Variants in TRPM8 observed in about 807,000 individuals in gnomAD.
The protein encoded by TRPM8 is transient receptor potential cation channel subfamily M member 8, also known as TRPM8 cationic channel.
TRPM8 carries 110 observed loss-of-function variants against 133.7 expected under a neutral mutation model. That is an observed-to-expected ratio of 0.82 (90% confidence interval 0.70 to 0.96). TRPM8 has a LOEUF of 0.96. Ranked by LOEUF, TRPM8 falls within the 40% of genes least tolerant of loss-of-function variation. TRPM8 has a pLI of 0.00. For missense variants in TRPM8, 1,291 were observed against 1,379.5 expected (o/e 0.94, Z 1.02); for synonymous variants, 535 against 532.3 (o/e 1.01, Z -0.07).
chr2:234,003,349 A>G (rs1692616172), intron 22 of TRPM8, among the ~76,000 whole-genome samples: 1 of 152,228 alleles, frequency 6.6e-6, no homozygotes. Context: ...CTTAATGAAG[A>G]AAGTGTTTTG....
In TRPM8 at chr2:233,985,723, G is replaced by T. The variant is rs1374174541; in HGVS notation, c.2797G>T (p.Gly933Trp). The change falls in exon 21 of 26, where the codon GGG becomes TGG. Residue 933 changes from glycine (G) to tryptophan (W), a missense_variant. Gly to Trp is a radical substitution (Grantham distance 184, BLOSUM62 -2). Transcript: ENST00000324695. ...TGACTTTGCCCACTGCACCTTCACT[G>T]GGAATGAGTCCAAGCCACTGTGTGT... Reference protein sequence around the residue: ...TYDFAHCTFTGNESKPLCVEL... With the variant: ...TYDFAHCTFTWNESKPLCVEL... 2 of 1,614,174 alleles carry T rather than the reference G, an allele frequency of 1.2e-6. No individual in the cohort carries two copies. The highest frequency in any genetic ancestry group is 3.3e-5 in the Admixed American group (2 of 60,028).
chr2:234,011,760 CAG>C (rs1177145313), intron 24 of TRPM8, among the ~76,000 whole-genome samples: 2 of 151,752 alleles, frequency 1.3e-5, no homozygotes, highest in Non-Finnish European at 2.9e-5. Flanking sequence ...CTACTAAAAA[CAG>C]AAAAATTAGC....
Position 233,996,387 on chromosome 2 carries a change from C to T in TRPM8, c.3001C>T (p.Leu1001=). The change falls in exon 22 of 26, where the codon CTG becomes TTG. Residue 1001 remains leucine, a synonymous_variant. Coordinates refer to ENST00000324695, the MANE Select transcript of TRPM8 (RefSeq NM_024080.5). Reference sequence around the variant, plus strand: ...GGTCTGGAAGTTCCAGAGGTACTTCCTGGTGCAGGAGTACTGCAGCCGCCT... The same window carrying T: ...GGTCTGGAAGTTCCAGAGGTACTTCTTGGTGCAGGAGTACTGCAGCCGCCT... ...DQVWKFQRYF[L]VQEYCSRLNI... is the part of the protein sequence containing the mutation. 1 of 1,614,216 alleles carries T rather than the reference C, an allele frequency of 6.2e-7. No individual in the cohort carries two copies. Among genetic ancestry groups the T allele is most frequent in the Non-Finnish European group, 8.5e-7 (1 of 1,180,040 alleles).
intron 9 of TRPM8, among the ~76,000 whole-genome samples, chr2:233,951,305 A>T (rs1441589331): frequency 1.3e-5 from 2 of 152,210 alleles, no homozygotes; most frequent in Non-Finnish European, 2.9e-5. Context: ...TCAAAGTAAG[A>T]CACTGCATAT....
chr2:233,930,877 C>T, intron 3 of TRPM8, 136 bp downstream of exon 3: 1 of 609,346 alleles, frequency 1.6e-6, no homozygotes, highest in Admixed American at 2.8e-5. Flanking sequence ...ACTGTTTGCG[C>T]AGGAAGGATC....
intron 22 of TRPM8, among the ~76,000 whole-genome samples, chr2:234,005,236 T>C (rs1692663548): frequency 6.6e-6 from 1 of 152,120 alleles, no homozygotes; most frequent in Non-Finnish European, 1.5e-5. Context: ...CCCCCTCGTA[T>C]GGGAGACCTA....
intron 17 of TRPM8, among the ~76,000 whole-genome samples, chr2:233,977,633 A>T (rs1691902948): frequency 6.6e-6 from 1 of 152,156 alleles, no homozygotes; most frequent in Non-Finnish European, 1.5e-5. Context: ...GGCTGCTAGC[A>T]CCAGCAAAGC....
At chr2:233,950,454 C>T (rs1300751213) in intron 9 of TRPM8, among the ~76,000 whole-genome samples, 1 of 152,162 alleles carries the variant, frequency 6.6e-6, no homozygotes, top group African/African-American at 2.4e-5. Flanking sequence ...GAGAGAGAGA[C>T]ACAAGAATCT....
At position 233,964,749 on chromosome 2, in the gene TRPM8, G is replaced by A. The variant is rs201008719; in HGVS notation, c.1871G>A (p.Arg624Gln). The change falls in exon 14 of 26, where the codon CGG becomes CAG. Residue 624 changes from arginine (R) to glutamine (Q), a missense_variant. By Grantham distance (43) the Arg-to-Gln change is conservative (BLOSUM62 1). Transcript: ENST00000324695. ...SEELANEYET[R>Q]AVELFTECYS... ...GAGCTGGCTAATGAGTACGAGACCCGGGCTGTTGGTGAGTCCACAGTGTGG... is the reference window on the plus strand; with the variant it reads ...GAGCTGGCTAATGAGTACGAGACCCAGGCTGTTGGTGAGTCCACAGTGTGG... The A allele has an allele frequency of 2.9e-5, 46 of 1,610,872 alleles. 2 individuals are homozygous for A. The South Asian group carries it at 3.2e-4, about 11-fold the overall frequency.
chr2:233,925,217 T>C (rs530188408), intron 1 of TRPM8, among the ~76,000 whole-genome samples: 1 of 152,380 alleles, frequency 6.6e-6, no homozygotes, highest in East Asian at 1.9e-4. Context: ...TCAATCAAAC[T>C]ATTCATCCAA....
rs551411372 is a variant in TRPM8 at position 233,964,476 on chromosome 2, C to T, written c.1750-152C>T. The T allele has an allele frequency of 2.3e-4, 121 of 526,114 alleles. 1 individual carries two copies. Among genetic ancestry groups the T allele is most frequent in the South Asian group, 2.1e-3 (43 of 20,552 alleles). The allele number at this position is 526,114 out of a possible 1,614,324, so 32.6% of individuals were successfully genotyped here. On this transcript the variant is annotated intron_variant, in intron 13 of 25. Transcript: ENST00000324695. ...CTGAGGCAGTAGAATCACTTGAACC[C>T]GGGAGGTGGAGGTTGCAGTGAGCCA...
At chr2:233,947,054 G>A in intron 7 of TRPM8, 34 bp from the exon 8 acceptor site, 3 of 1,603,574 alleles carry the variant, frequency 1.9e-6, no homozygotes, top group Non-Finnish European at 2.6e-6. Flanking sequence ...TTTCTAATGA[G>A]CTCAAAATAT....
At chr2:233,979,227 T>C (rs17864766) in intron 17 of TRPM8, among the ~76,000 whole-genome samples, 2 of 152,372 alleles carry the variant, frequency 1.3e-5, no homozygotes, top group East Asian at 1.9e-4. Context: ...TTGGTTTCCA[T>C]ATGTGAATTC....
chr2:233,932,383 G>A (rs1691697888), intron 3 of TRPM8, among the ~76,000 whole-genome samples: 1 of 152,220 alleles, frequency 6.6e-6, no homozygotes, highest in Non-Finnish European at 1.5e-5. Context: ...CTGGGCTGAT[G>A]TTTATGGCTC....
At chr2:233,985,641 C>A (rs770039085) in intron 20 of TRPM8, 47 bp from the exon 21 acceptor site, 5 of 1,579,426 alleles carry the variant, frequency 3.2e-6, no homozygotes, top group Non-Finnish European at 8.7e-7. Context: ...ATCGCTCTCA[C>A]CCCTCCAGAG....
chr2:233,981,912 G>A lies in TRPM8; in HGVS notation c.2586G>A (p.Arg862=). The A allele has an allele frequency of 6.2e-7, 1 of 1,605,596 alleles. No homozygotes were observed. Among genetic ancestry groups the A allele is most frequent in the Non-Finnish European group, 8.5e-7 (1 of 1,177,894 alleles). ...NLGPKIIMLQ[R]MLIDVFFFLF... ...GACCCAAGATTATAATGCTGCAGAG[G>A]ATGGTAAGAGTCAAGAATATTTGTA... Residue 862 remains arginine, a synonymous_variant, in exon 19 of 26, where the codon AGG becomes AGA. Coordinates refer to ENST00000324695, the MANE Select transcript of TRPM8 (RefSeq NM_024080.5).
intron 8 of TRPM8, among the ~76,000 whole-genome samples, chr2:233,948,352 CT>C (rs991965413): frequency 4.6e-5 from 7 of 151,966 alleles, no homozygotes; most frequent in Non-Finnish European, 1.0e-4. Context: ...GTATTAAAAC[CT>C]TTTTATGCCT....
chr2:233,998,174 C>G (rs1330934931), intron 22 of TRPM8, among the ~76,000 whole-genome samples: 5 of 152,144 alleles, frequency 3.3e-5, no homozygotes, highest in Non-Finnish European at 7.4e-5. Context: ...GTGGGGCCAA[C>G]TCCTCCATCA....
intron 8 of TRPM8, 140 bp from the exon 9 acceptor site, chr2:233,949,809 G>A (rs929479502): frequency 1.5e-6 from 1 of 651,378 alleles, no homozygotes; most frequent in African/African-American, 1.8e-5. Flanking sequence ...ATTTGCTTCT[G>A]ATTTAAAATA....
Sources: allele counts gnomAD v4.1 joint callset (sites outside exome capture counted in the v4.1 genomes callset), GRCh38; gene constraint gnomAD v4.1.1; transcripts MANE v1.5; gene names NCBI Gene and HGNC (gene_info 2026-07-23, HGNC 2026-07-21).